Variants in IL1RAPL2 observed in about 807,000 individuals in gnomAD.
The protein encoded by IL1RAPL2 is interleukin 1 receptor accessory protein like 2.
In IL1RAPL2, 3 loss-of-function variants were observed where a neutral mutation model predicts 44.1. That is an observed-to-expected ratio of 0.07 (90% CI 0.03 to 0.18). The LOEUF (loss-of-function observed/expected upper bound fraction) is 0.18, where lower values mean the gene tolerates loss of function less well. Among genes scored for constraint, IL1RAPL2 ranks in the 10% least tolerant of loss-of-function variants. The probability of loss-of-function intolerance (pLI) is 1.00; values close to 1 mark genes in which losing one functional copy is unlikely to be tolerated. For synonymous variants in IL1RAPL2, 181 were observed against 178.8 expected (o/e 1.01, Z -0.10); for missense variants, 391 against 496.4 (o/e 0.79, Z 2.02).
intron 2 of IL1RAPL2, among the ~76,000 whole-genome samples, chrX:105,015,694 C>A (rs752880616): frequency 9.0e-6 from 1 of 111,490 alleles, no homozygotes; most frequent in Non-Finnish European, 1.9e-5. Flanking sequence ...GGTACCAGTA[C>A]TATGCTATTT....
chrX:105,149,346 G>T (rs892603005), intron 2 of IL1RAPL2, among the ~76,000 whole-genome samples: 1 of 111,855 alleles, frequency 8.9e-6, no homozygotes, highest in African/African-American at 3.3e-5. Context: ...GAGAATAGAG[G>T]AAATTGAGCA....
At chrX:105,206,681 A>T (rs2033766662) in intron 3 of IL1RAPL2, among the ~76,000 whole-genome samples, 1 of 112,198 alleles carries the variant, frequency 8.9e-6, no homozygotes, top group South Asian at 3.7e-4. Flanking sequence ...TGAAATAGAG[A>T]TTCCAAGTTC....
intron 6 of IL1RAPL2, among the ~76,000 whole-genome samples, chrX:105,545,087 T>A (rs1429389770): frequency 8.9e-6 from 1 of 111,975 alleles, no homozygotes; most frequent in Non-Finnish European, 1.9e-5. Context: ...TATTGCTTCA[T>A]GTAATCTTAA....
chrX:105,498,719 A>C (rs2036372530), intron 6 of IL1RAPL2, among the ~76,000 whole-genome samples: 1 of 111,941 alleles, frequency 8.9e-6, no homozygotes, highest in South Asian at 3.7e-4. Flanking sequence ...CAAAATTAAA[A>C]AAACAATAGA....
chrX:104,647,595 C>A, intron 1 of IL1RAPL2: 1 of 521,438 alleles, frequency 1.9e-6, no homozygotes, highest in South Asian at 2.4e-5. Context: ...AGTTCTCCAG[C>A]ATCAAAGTGA....
intron 2 of IL1RAPL2, among the ~76,000 whole-genome samples, chrX:104,737,839 A>G (rs1363116464): frequency 9.0e-6 from 1 of 111,591 alleles, no homozygotes; most frequent in Non-Finnish European, 1.9e-5. Flanking sequence ...TACAGCTATC[A>G]TTGCTCATGC....
At chrX:105,526,730 C>T (rs1381220147) in intron 6 of IL1RAPL2, among the ~76,000 whole-genome samples, 1 of 111,464 alleles carries the variant, frequency 9.0e-6, no homozygotes, top group Non-Finnish European at 1.9e-5. Flanking sequence ...CTAAGCTTTA[C>T]AACTTGGCTA....
chrX:104,964,169 C>T (rs905051802), intron 2 of IL1RAPL2, among the ~76,000 whole-genome samples: 3 of 110,796 alleles, frequency 2.7e-5, no homozygotes, highest in Non-Finnish European at 5.7e-5. Context: ...TAAACAAAAG[C>T]TTCAGAGAAA....
At chrX:105,064,130 G>A (rs1301599180) in intron 2 of IL1RAPL2, among the ~76,000 whole-genome samples, 1 of 112,303 alleles carries the variant, frequency 8.9e-6, no homozygotes, top group Non-Finnish European at 1.9e-5. Flanking sequence ...TCCCTACATG[G>A]TGATAAGTTA....
At chrX:104,968,794 T>G (rs2030175176) in intron 2 of IL1RAPL2, among the ~76,000 whole-genome samples, 1 of 111,302 alleles carries the variant, frequency 9.0e-6, no homozygotes, top group African/African-American at 3.3e-5. Flanking sequence ...ATCTAACAAA[T>G]GTTTAAGACC....
At chrX:105,004,093 T>G (rs1425682842) in intron 2 of IL1RAPL2, among the ~76,000 whole-genome samples, 1 of 110,810 alleles carries the variant, frequency 9.0e-6, no homozygotes. Flanking sequence ...ATAAAAGATG[T>G]TTATAGTTCC....
intron 2 of IL1RAPL2, among the ~76,000 whole-genome samples, chrX:105,167,442 A>C (rs1480859622): frequency 8.9e-6 from 1 of 112,126 alleles, no homozygotes; most frequent in Non-Finnish European, 1.9e-5. Flanking sequence ...TTCCATTTGC[A>C]AAACCACTTT....
At chrX:105,259,178 A>AG (rs1295733894) in intron 4 of IL1RAPL2, among the ~76,000 whole-genome samples, 1 of 111,271 alleles carries the variant, frequency 9.0e-6, no homozygotes, top group Non-Finnish European at 1.9e-5. Context: ...CTGGTTTCAG[A>AG]GGGGGGGTAT....
At chrX:105,308,031 A>C (rs913305134) in intron 5 of IL1RAPL2, among the ~76,000 whole-genome samples, 1 of 110,634 alleles carries the variant, frequency 9.0e-6, no homozygotes, top group Non-Finnish European at 1.9e-5. Flanking sequence ...TCTGCATTCC[A>C]ACAAGCTTCA....
intron 3 of IL1RAPL2, among the ~76,000 whole-genome samples, chrX:105,226,276 C>A (rs782815095): frequency 2.5e-4 from 27 of 108,980 alleles, no homozygotes; most frequent in Non-Finnish European, 5.1e-4. Context: ...TTTATTATTT[C>A]TGACCTAGGA....
At chrX:105,644,773 C>A (rs149322147) in intron 6 of IL1RAPL2, among the ~76,000 whole-genome samples, 18 of 110,349 alleles carry the variant, frequency 1.6e-4, no homozygotes, top group South Asian at 4.0e-4. Flanking sequence ...CCATGCCCCC[C>A]CAACAGGCCT....
intron 2 of IL1RAPL2, among the ~76,000 whole-genome samples, chrX:104,752,329 G>GA (rs1365514702): frequency 1.8e-5 from 2 of 109,857 alleles, no homozygotes; most frequent in Non-Finnish European, 3.8e-5. Flanking sequence ...AATTGATTTT[G>GA]AAAAATTATA....
intron 10 of IL1RAPL2, among the ~76,000 whole-genome samples, chrX:105,756,676 A>T (rs979567901): frequency 4.5e-5 from 5 of 111,495 alleles, no homozygotes; most frequent in African/African-American, 1.6e-4. Flanking sequence ...GCTTCTTATC[A>T]TGGTCCTTCA....
rs370901453 is a variant in IL1RAPL2, at chrX:105,503,733, G to A, written c.772+19346G>A. Among the ~76,000 whole-genome samples, 18 of 111,548 alleles carry A rather than the reference G, an allele frequency of 1.6e-4. No individual in the cohort carries two copies. In the South Asian group the frequency reaches 6.8e-3, roughly 42 times the overall value. On this transcript the variant is annotated intron_variant, in intron 6 of 10. Coordinates refer to ENST00000372582, the MANE Select transcript of IL1RAPL2 (RefSeq NM_017416.2). The stretch of plus-strand genomic sequence containing the variant: ...CTGAAATCAATTTGTCAGCAGTACT[G>A]TTTCCTTCTGGAGGCAAAAAGGGAG...
Sources: allele counts gnomAD v4.1 joint callset (sites outside exome capture counted in the v4.1 genomes callset), GRCh38; gene constraint gnomAD v4.1.1; transcripts MANE v1.5; gene names NCBI Gene and HGNC (gene_info 2026-07-23, HGNC 2026-07-21).